The following GRHL2 variants were observed in gnomAD, a reference collection of about 807,000 sequenced individuals.
GRHL2 encodes grainyhead-like protein 2 homolog.
In GRHL2, 21 loss-of-function variants were observed where a neutral mutation model predicts 83.8. The observed-to-expected ratio is 0.25, with a 90% CI of 0.18 to 0.36. GRHL2 has a LOEUF of 0.36. GRHL2 is among the 10% of genes least tolerant of loss of function. GRHL2 has a pLI of 1.00. For synonymous variants in GRHL2, 280 were observed against 278.9 expected (o/e 1.00, Z -0.04); for missense variants, 623 against 781.8 (o/e 0.80, Z 2.42).
At chr8:101,641,442 T>C (rs1813398566) in intron 12 of GRHL2, among the ~76,000 whole-genome samples, 1 of 152,134 alleles carries the variant, frequency 6.6e-6, no homozygotes, top group African/African-American at 2.4e-5. Context: ...TTCCTCTTCT[T>C]GAGCACCTCC....
chr8:101,599,500 C>T (rs114465698), intron 8 of GRHL2, among the ~76,000 whole-genome samples: 70 of 152,320 alleles, frequency 4.6e-4, no homozygotes, highest in African/African-American at 1.6e-3. Context: ...GAGCTCAGAG[C>T]TGATGTCTTC....
chr8:101,660,678 T>C (rs1268797579), intron 14 of GRHL2, among the ~76,000 whole-genome samples: 1 of 152,234 alleles, frequency 6.6e-6, no homozygotes, highest in African/African-American at 2.4e-5. Context: ...ACTTTTAAAT[T>C]TGAAAATTAT....
At chr8:101,524,464 AG>A (rs1415833057) in intron 1 of GRHL2, among the ~76,000 whole-genome samples, 4 of 152,126 alleles carry the variant, frequency 2.6e-5, no homozygotes, top group African/African-American at 9.7e-5. Context: ...ATCTAACATA[AG>A]CAGTTAAAGT....
intron 7 of GRHL2, among the ~76,000 whole-genome samples, chr8:101,592,364 A>G (rs1054154946): frequency 2.6e-5 from 4 of 152,040 alleles, no homozygotes; most frequent in Non-Finnish European, 5.9e-5. Flanking sequence ...TGGCCTCCCA[A>G]GTTGCTGGGA....
At chr8:101,572,337 G>A (rs1811844079) in intron 5 of GRHL2, among the ~76,000 whole-genome samples, 1 of 152,114 alleles carries the variant, frequency 6.6e-6, no homozygotes, top group African/African-American at 2.4e-5. Context: ...CTTCTTTTAA[G>A]ACACATATTC....
chr8:101,538,662 T>C (rs1211184439), intron 1 of GRHL2, among the ~76,000 whole-genome samples: 1 of 152,236 alleles, frequency 6.6e-6, no homozygotes, highest in Admixed American at 6.5e-5. Flanking sequence ...AGAGCAATGA[T>C]AAAACAGCTT....
rs1030232476 is a variant in GRHL2 at position 101,543,165 on chromosome 8, T to C, written c.21-76T>C. ...AAATAAAAATTAATGTTTGTAGTCATGTAATATGTATATTATTAGGGGTAA... is the reference window on the plus strand; with the variant it reads ...AAATAAAAATTAATGTTTGTAGTCACGTAATATGTATATTATTAGGGGTAA... On this transcript the variant is annotated intron_variant, in intron 1 of 15. Coordinates refer to ENST00000646743, the MANE Select transcript of GRHL2 (RefSeq NM_024915.4). 1.3e-5 allele frequency: 13 copies of C among 1,031,014 alleles called. No homozygotes were observed. In the African/African-American group the frequency reaches 1.9e-4, roughly 15 times the overall value. 63.9% of individuals were successfully genotyped at this position (1,031,014 alleles called of 1,614,324 possible).
Position 101,657,397 on chromosome 8 carries a change from A to T in GRHL2, c.1699-7057A>T, listed in dbSNP as rs762672488. Among the ~76,000 whole-genome samples, 12 of 152,328 alleles carry T rather than the reference A, an allele frequency of 7.9e-5. No homozygotes were observed. In the South Asian group the frequency reaches 2.1e-3, roughly 26 times the overall value. On this transcript the variant is annotated intron_variant, in intron 14 of 15. Coordinates refer to ENST00000646743, the MANE Select transcript of GRHL2 (RefSeq NM_024915.4). ...GTCCAAAAATTATAGATCATCAGAC[A>T]ACCAATAACATATTGATGAGATATC... is the stretch of plus-strand genomic sequence containing the variant.
In GRHL2 at chr8:101,509,107, C is replaced by CTCTCCT. The variant is rs1810398009; in HGVS notation, c.20+16320_20+16321insTCCTTC. Among the ~76,000 whole-genome samples the CTCTCCT allele has an allele frequency of 1.6e-3, 154 of 94,844 alleles. 1 individual carries two copies. Among genetic ancestry groups the CTCTCCT allele is most frequent in the African/African-American group, 5.8e-3 (134 of 22,936 alleles). 62.2% of individuals were successfully genotyped at this position (94,844 alleles called of 152,430 possible). On this transcript the variant is annotated intron_variant, in intron 1 of 15. Coordinates refer to ENST00000646743, the MANE Select transcript of GRHL2 (RefSeq NM_024915.4). ...TGTTTTCCTTTCTTTCTTTCTTTCT[C>CTCTCCT]TCCTTCCTTCCTTCCTTCCTTCCTT...
chr8:101,567,371 C>G (rs367975142), intron 4 of GRHL2, among the ~76,000 whole-genome samples: 1 of 152,122 alleles, frequency 6.6e-6, no homozygotes. Flanking sequence ...AATAGGTCTC[C>G]GAGCAACTGT....
At chr8:101,680,098 G>A in the GRHL2 span, among the ~76,000 whole-genome samples, 363 of 97,484 alleles carry the variant, frequency 3.7e-3, 1 homozygote, top group South Asian at 0.017. Context: ...ATGTAAATGG[G>A]CTAAATGCTC....
chr8:101,538,449 T>G (rs964147829), intron 1 of GRHL2, among the ~76,000 whole-genome samples: 2 of 151,996 alleles, frequency 1.3e-5, no homozygotes, highest in South Asian at 4.1e-4. Flanking sequence ...AAAAAAAAAG[T>G]TGTCTGTGTG....
intron 9 of GRHL2, among the ~76,000 whole-genome samples, chr8:101,625,338 T>C (rs1223271662): frequency 6.6e-6 from 1 of 151,996 alleles, no homozygotes; most frequent in African/African-American, 2.4e-5. Context: ...ATAGTGTTAA[T>C]ATAATAAATA....
At chr8:101,659,538 A>G (rs561540460) in intron 14 of GRHL2, among the ~76,000 whole-genome samples, 272 of 152,312 alleles carry the variant, frequency 1.8e-3, no homozygotes, top group South Asian at 3.7e-3. Flanking sequence ...TGGGGAAGGT[A>G]GTGAGCTGAC....
intron 1 of GRHL2, among the ~76,000 whole-genome samples, chr8:101,526,090 T>A (rs2130064398): frequency 6.6e-6 from 1 of 152,374 alleles, no homozygotes; most frequent in African/African-American, 2.4e-5. Context: ...GATTCTCACA[T>A]CTGCCTCTTC....
intron 1 of GRHL2, among the ~76,000 whole-genome samples, chr8:101,533,136 C>A (rs1810973231): frequency 6.6e-6 from 1 of 151,894 alleles, no homozygotes; most frequent in African/African-American, 2.4e-5. Flanking sequence ...AAGAATGAAT[C>A]TCCACTTTTT....
At chr8:101,493,251 G>T (rs753357234) in intron 1 of GRHL2, among the ~76,000 whole-genome samples, 5 of 152,236 alleles carry the variant, frequency 3.3e-5, no homozygotes, top group Non-Finnish European at 5.9e-5. Context: ...GCTTTTGTGT[G>T]ACCGCAACAA....
chr8:101,542,555 GA>G (rs5893569), intron 1 of GRHL2, among the ~76,000 whole-genome samples: 75,527 of 141,514 alleles, frequency 0.53, 19,771 homozygotes, highest in Non-Finnish European at 0.58. Flanking sequence ...CTCCGTCTCA[GA>G]AAAAAAAAAA....
At chr8:101,570,855 G>C (rs1468800472) in intron 5 of GRHL2, among the ~76,000 whole-genome samples, 2 of 152,188 alleles carry the variant, frequency 1.3e-5, no homozygotes, top group South Asian at 2.1e-4. Flanking sequence ...CTTGCTAAAT[G>C]CTGAATTGTC....
Sources: allele counts gnomAD v4.1 joint callset (sites outside exome capture counted in the v4.1 genomes callset), GRCh38; gene constraint gnomAD v4.1.1; transcripts MANE v1.5; gene names NCBI Gene and HGNC (gene_info 2026-07-23, HGNC 2026-07-21).